Variants in NPRL3 observed in about 807,000 individuals in gnomAD.
NPRL3 encodes NPR3 like, GATOR1 complex subunit, also known as GATOR1 complex protein NPRL3.
A neutral mutation model predicts 57.2 loss-of-function variants in NPRL3; 23 were observed. That is an observed-to-expected ratio of 0.40 (90% CI 0.29 to 0.57). The LOEUF is 0.57. NPRL3 is among the 20% of genes least tolerant of loss of function. NPRL3 has a pLI of 0.42. For missense variants in NPRL3, 691 were observed against 767.1 expected, an observed-to-expected ratio of 0.90 and a Z score of 1.17; for synonymous variants, 333 against 321.1, an observed-to-expected ratio of 1.04 and a Z score of -0.39.
At chr16:124,607 G>A (rs185432898) in intron 3 of NPRL3, among the ~76,000 whole-genome samples, 23 of 152,252 alleles carry the variant, frequency 1.5e-4, no homozygotes, top group African/African-American at 4.8e-4. Flanking sequence ...AAACTATAGC[G>A]TGTCATATGA....
chr16:92,838 C>A, intron 10 of NPRL3, 113 bp from the exon 11 acceptor site: 2 of 1,386,812 alleles, frequency 1.4e-6, no homozygotes, highest in South Asian at 1.3e-5. Flanking sequence ...CAGGACAGTG[C>A]GATGAGGGCA....
intron 5 of NPRL3, among the ~76,000 whole-genome samples, chr16:114,761 A>G (rs1161543623): frequency 5.9e-5 from 9 of 152,188 alleles, no homozygotes; most frequent in African/African-American, 1.7e-4. Context: ...AAAGGGTATC[A>G]TGGCCGAAAA....
In NPRL3 at chr16:100,398, G is replaced by A; in HGVS notation, c.741C>T (p.Ala247=). ...YAASSLIPPE[A]IERSLKAIRP... is the part of the protein sequence containing the mutation. ...GGATGGCTTTCAGGCTCCGTTCGAT[G>A]GCCTCTGGGGGGATCAGACTGGAGG... The change falls in exon 8 of 14, where the codon GCC becomes GCT. Residue 247 remains alanine (A), a synonymous_variant. Coordinates refer to ENST00000611875, the MANE Select transcript of NPRL3 (RefSeq NM_001077350.3). 6.4e-7 allele frequency: 1 copy of A among 1,564,860 alleles called. No individual in the cohort carries two copies.
intron 7 of NPRL3, among the ~76,000 whole-genome samples, chr16:108,994 G>A (rs1323632151): frequency 4.0e-5 from 6 of 150,486 alleles, no homozygotes; most frequent in Non-Finnish European, 7.4e-5. Context: ...TTTGATACGC[G>A]GTCTGGCTCT....
At position 85,769 on chromosome 16, in the gene NPRL3, C is replaced by G. The variant is rs777574631; in HGVS notation, c.*936G>C. The G allele has an allele frequency of 1.3e-6, 2 of 1,498,154 alleles. No homozygotes were observed. Among genetic ancestry groups the G allele is most frequent in the Non-Finnish European group, 1.8e-6 (2 of 1,122,760 alleles). The allele number at this position is 1,498,154 out of a possible 1,614,324, so 92.8% of individuals were successfully genotyped here. On this transcript the variant is annotated 3_prime_UTR_variant, in exon 14 of 14. Transcript: ENST00000611875. ...CGACAGAGTGGCTGAGCAGGACACA[C>G]AGGCCTGAGCAAAGGGCCTGCCCAG...
Position 93,506 on chromosome 16 carries a change from G to A in NPRL3, c.925-181C>T, listed in dbSNP as rs561373395. On this transcript the variant is annotated intron_variant, in intron 9 of 13. Coordinates refer to ENST00000611875, the MANE Select transcript of NPRL3 (RefSeq NM_001077350.3). ...CTCCCTAACGTGGAATAGCACCTTC[G>A]CAACCTCTCACTAGGATGTGGGGCA... Among the ~76,000 whole-genome samples, 14 of 151,438 alleles carry A rather than the reference G, an allele frequency of 9.2e-5. No homozygotes were observed. In the South Asian group the frequency reaches 2.3e-3, roughly 25 times the overall value.
chr16:87,989 C>T (rs1437578981), intron 13 of NPRL3, among the ~76,000 whole-genome samples: 1 of 151,818 alleles, frequency 6.6e-6, no homozygotes, highest in African/African-American at 2.4e-5. Context: ...ACCAGCTGCT[C>T]AGAAGAGTTG....
At position 93,327 on chromosome 16, in the gene NPRL3, T is replaced by A. The variant is rs1431914212; in HGVS notation, c.925-2A>T. 1 of 1,548,436 alleles carries A rather than the reference T, an allele frequency of 6.5e-7. No homozygotes were observed. The highest frequency in any genetic ancestry group is 1.7e-4 in the Middle Eastern group (1 of 5,976). ...CAGATGAGCTGCAAGCTGGAAAACCTGCAGGCAAAAGGGAAGCTGCAAGGA... is the reference window on the plus strand; with the variant it reads ...CAGATGAGCTGCAAGCTGGAAAACCAGCAGGCAAAAGGGAAGCTGCAAGGA... On this transcript the variant is annotated splice_acceptor_variant, in intron 9 of 13. Coordinates refer to ENST00000611875, the MANE Select transcript of NPRL3 (RefSeq NM_001077350.3). LOFTEE classifies it high-confidence loss of function.
chr16:107,720 G>C (rs902078341), intron 7 of NPRL3, among the ~76,000 whole-genome samples: 1 of 152,132 alleles, frequency 6.6e-6, no homozygotes, highest in Non-Finnish European at 1.5e-5. Flanking sequence ...TGGCTACTCA[G>C]ACACCAGCAT....
chr16:97,410 ATTTTT>A lies in NPRL3; in HGVS notation c.924+730_924+734del, dbSNP rs34410203. Among the ~76,000 whole-genome samples the A allele has an allele frequency of 7.0e-3, 801 of 115,072 alleles. 3 individuals carry two copies. The highest frequency in any genetic ancestry group is 0.021 in the Middle Eastern group (4 of 190). The allele number at this position is 115,072 out of a possible 152,430, so 75.5% of individuals were successfully genotyped here. On this transcript the variant is annotated intron_variant, in intron 9 of 13. Coordinates refer to ENST00000611875, the MANE Select transcript of NPRL3 (RefSeq NM_001077350.3). ...CAGGTGCACGCCACCACACCCAGCT[ATTTTT>A]TTTTTTTTTTTTTTTGTATTTTTTG...
rs2141893983 is a variant in NPRL3 at position 86,439 on chromosome 16, C to T, written c.*266G>A. The T allele has an allele frequency of 6.6e-6, 3 of 457,386 alleles. No homozygotes were observed. In the South Asian group the frequency reaches 9.7e-5, roughly 15 times the overall value. 28.3% of individuals were successfully genotyped at this position (457,386 alleles called of 1,614,324 possible). On this transcript the variant is annotated 3_prime_UTR_variant, in exon 14 of 14. Coordinates refer to ENST00000611875, the MANE Select transcript of NPRL3 (RefSeq NM_001077350.3). ...CCCAGAGACAGGAGTCCTGGCAGGC[C>T]CCCCTCCAGCGTGGAGATGCCTACG... is the stretch of plus-strand genomic sequence containing the variant.
At chr16:110,641 G>A (rs144771739) in intron 6 of NPRL3, 35 bp from the exon 7 acceptor site, 339 of 1,538,616 alleles carry the variant, frequency 2.2e-4, no homozygotes, top group Non-Finnish European at 2.7e-4. Context: ...TACAGCTCCC[G>A]GGTTCAAGCG....
Position 138,293 on chromosome 16 carries a change from C to G in NPRL3, c.-26G>C, listed in dbSNP as rs1361347764. 1 of 1,554,016 alleles carries G rather than the reference C, an allele frequency of 6.4e-7. No individual in the cohort carries two copies. Among genetic ancestry groups the G allele is most frequent in the Admixed American group, 1.9e-5 (1 of 52,720 alleles). ...CCCGCCGTGGGGCCGGGGCCGGGGG[C>G]GGAGGGGGCCAGAGGAGGACGGAGC... On this transcript the variant is annotated 5_prime_UTR_variant, in exon 2 of 14. Coordinates refer to ENST00000611875, the MANE Select transcript of NPRL3 (RefSeq NM_001077350.3).
intron 7 of NPRL3, among the ~76,000 whole-genome samples, chr16:108,697 A>G (rs1301589629): frequency 6.2e-5 from 9 of 145,216 alleles, no homozygotes; most frequent in South Asian, 4.4e-4. Flanking sequence ...TTGAGATGAC[A>G]TCTAGTTCTG....
At chr16:131,122 G>A (rs1900770699) in intron 2 of NPRL3, among the ~76,000 whole-genome samples, 1 of 152,220 alleles carries the variant, frequency 6.6e-6, no homozygotes, top group Non-Finnish European at 1.5e-5. Context: ...ATCACCTGAG[G>A]TCAGGAGTTC....
chr16:130,619 G>T (rs1900746841), intron 2 of NPRL3, 28 bp from the exon 3 acceptor site: 5 of 1,550,178 alleles, frequency 3.2e-6, no homozygotes, highest in Non-Finnish European at 4.4e-6. Flanking sequence ...GAGGGGAAGG[G>T]CTAAGAAAAC....
At chr16:89,023 G>A (rs1464842089) in intron 12 of NPRL3, 133 bp from the exon 13 acceptor site, 4 of 770,918 alleles carry the variant, frequency 5.2e-6, no homozygotes, top group Admixed American at 4.9e-5. Context: ...CTGCCTGCAA[G>A]CATTCGCTGC....
intron 13 of NPRL3, among the ~76,000 whole-genome samples, chr16:87,091 G>T (rs912153955): frequency 2.0e-5 from 3 of 152,222 alleles, no homozygotes; most frequent in Non-Finnish European, 4.4e-5. Flanking sequence ...GGGCGGAGTG[G>T]GTTCAGGACG....
chr16:118,302 G>A (rs377131527), intron 4 of NPRL3, among the ~76,000 whole-genome samples: 31 of 152,184 alleles, frequency 2.0e-4, no homozygotes, highest in African/African-American at 6.0e-4. Context: ...AGGCTCTGGT[G>A]TACAAGTTCC....
Sources: allele counts gnomAD v4.1 joint callset (sites outside exome capture counted in the v4.1 genomes callset), GRCh38; gene constraint gnomAD v4.1.1; transcripts MANE v1.5; gene names NCBI Gene and HGNC (gene_info 2026-07-23, HGNC 2026-07-21).